Variants in NR3C1 observed in about 807,000 individuals in gnomAD.
NR3C1 encodes glucocorticoid receptor.
NR3C1 carries 14 observed loss-of-function variants against 74.0 expected under a neutral mutation model. The observed-to-expected ratio is 0.19, with a 90% CI of 0.12 to 0.30. The LOEUF (loss-of-function observed/expected upper bound fraction) is 0.30, where lower values mean the gene tolerates loss of function less well. Ranked by LOEUF, NR3C1 falls within the 10% of genes least tolerant of loss-of-function variation. The probability of loss-of-function intolerance (pLI) is 1.00; values close to 1 mark genes in which losing one functional copy is unlikely to be tolerated. For synonymous variants in NR3C1, 308 were observed against 332.5 expected, an observed-to-expected ratio of 0.93 and a Z score of 0.80; for missense variants, 695 against 909.8, an observed-to-expected ratio of 0.76 and a Z score of 3.04.
upstream of NR3C1, chr5:143,403,861 C>T (rs1364737925): frequency 5.1e-6 from 5 of 974,670 alleles, no homozygotes; most frequent in Non-Finnish European, 6.1e-6. Context: ...CCCGCCACCC[C>T]GGCCCCGACG....
At chr5:143,435,087 G>A in exon 1 of NR3C1, 1 of 985,418 alleles carries the variant, frequency 1.0e-6, no homozygotes, top group Non-Finnish European at 1.2e-6. Flanking sequence ...TGTGAGGTCT[G>A]ATGCTGGGAA....
intron 2 of NR3C1, among the ~76,000 whole-genome samples, chr5:143,378,167 CT>C (rs1460468028): frequency 1.3e-5 from 2 of 152,096 alleles, no homozygotes; most frequent in African/African-American, 4.8e-5. Context: ...GGGAGGATTG[CT>C]TGAGCCCAGG....
intron 4 of NR3C1, among the ~76,000 whole-genome samples, chr5:143,303,643 C>T (rs563438204): frequency 1.3e-5 from 2 of 152,098 alleles, no homozygotes; most frequent in African/African-American, 2.4e-5. Context: ...AACAAAACTA[C>T]AGGCCAATAT....
At chr5:143,308,034 G>A (rs1189002929) in intron 4 of NR3C1, among the ~76,000 whole-genome samples, 1 of 152,152 alleles carries the variant, frequency 6.6e-6, no homozygotes, top group Non-Finnish European at 1.5e-5. Context: ...CTGGTCAAAC[G>A]TAGATAGAGT....
At position 143,399,971 on chromosome 5, in the gene NR3C1, C is replaced by A. The variant is rs772044380; in HGVS notation, c.869G>T (p.Gly290Val). The part of the protein sequence containing the change: ...KEDFIELCTP[G>V]VIKQEKLGTV... ...GCCCAGTTTCTCTTGCTTAATTACC[C>A]CAGGGGTGCAGAGTTCGATGAAATC... Residue 290 changes from glycine (G) to valine (V), a missense_variant, in exon 2 of 9, where the codon GGG becomes GTG. Gly to Val is a moderately radical substitution (Grantham distance 109). Coordinates refer to ENST00000394464, the MANE Select transcript of NR3C1 (RefSeq NM_000176.3). 19 of 1,614,016 alleles carry A rather than the reference C, an allele frequency of 1.2e-5. No homozygotes were observed. The highest frequency in any genetic ancestry group is 1.6e-5 in the Non-Finnish European group (19 of 1,180,036).
intron 4 of NR3C1, among the ~76,000 whole-genome samples, chr5:143,309,541 G>A: frequency 6.6e-6 from 1 of 151,988 alleles, no homozygotes; most frequent in Non-Finnish European, 1.5e-5. Flanking sequence ...CACAAACTTC[G>A]GGGATTACAG....
chr5:143,397,923 C>A (rs1839526695), intron 2 of NR3C1, among the ~76,000 whole-genome samples: 1 of 151,790 alleles, frequency 6.6e-6, no homozygotes. Context: ...AGTTTTGTCC[C>A]TTGCCTTTTC....
rs183797663 is a variant in NR3C1, at chr5:143,288,899, G to T, written c.2024-6174C>A. ...GGTGGGTGGATCACCTGAGGTCAGG[G>T]TTTGAGACCAGCCTGGCCAACATGG... On this transcript the variant is annotated intron_variant, in intron 7 of 8. Transcript: ENST00000394464. 4.4e-3 allele frequency among the ~76,000 whole-genome samples: 662 copies of T among 151,550 alleles called. 2 individuals are homozygous for T. Among genetic ancestry groups the T allele is most frequent in the African/African-American group, 0.015 (633 of 41,400 alleles).
At position 143,279,224 on chromosome 5, in the gene NR3C1, GCTT is replaced by G; in HGVS notation, c.*2662_*2664del. On this transcript the variant is annotated 3_prime_UTR_variant, in exon 9 of 9. Transcript: ENST00000394464. The stretch of plus-strand genomic sequence containing the variant: ...CCCCCACGTATCCTAAAAGGGCACA[GCTT>G]CTTTTCCCATTTAATGAAAAGCCTC... 1 of 952,404 alleles carries G rather than the reference GCTT, an allele frequency of 1.0e-6. No individual in the cohort carries two copies. The highest frequency in any genetic ancestry group is 1.5e-6 in the Non-Finnish European group (1 of 658,198). The allele number at this position is 952,404 out of a possible 1,614,324, so 59.0% of individuals were successfully genotyped here. A position where few individuals can be genotyped will look rare whatever the true frequency, so the allele number is the denominator to read the frequency against.
intron 5 of NR3C1, among the ~76,000 whole-genome samples, chr5:143,299,146 T>C (rs1817950385): frequency 6.6e-6 from 1 of 151,554 alleles, no homozygotes; most frequent in African/African-American, 2.4e-5. Context: ...CCCAAGTAGC[T>C]AGGAATACAG....
intron 4 of NR3C1, among the ~76,000 whole-genome samples, chr5:143,308,935 G>A (rs1339391270): frequency 6.6e-6 from 1 of 152,106 alleles, no homozygotes; most frequent in Non-Finnish European, 1.5e-5. Context: ...TACCTTCACA[G>A]AACTTGCAAT....
chr5:143,367,923 G>A (rs761440611), intron 2 of NR3C1, among the ~76,000 whole-genome samples: 11 of 151,982 alleles, frequency 7.2e-5, no homozygotes, highest in African/African-American at 1.2e-4. Flanking sequence ...AGTTTGCAAC[G>A]AACACGGAAT....
chr5:143,382,225 T>A (rs1836389861), intron 2 of NR3C1, among the ~76,000 whole-genome samples: 1 of 152,062 alleles, frequency 6.6e-6, no homozygotes, highest in African/African-American at 2.4e-5. Flanking sequence ...CTCACCCCAG[T>A]CAATTATATA....
At chr5:143,351,333 T>G (rs1038696244) in intron 2 of NR3C1, among the ~76,000 whole-genome samples, 15 of 152,132 alleles carry the variant, frequency 9.9e-5, no homozygotes, top group South Asian at 2.1e-4. Flanking sequence ...AGCCTTCCAT[T>G]ATTTGGTCCC....
At chr5:143,368,591 C>T (rs777885543) in intron 2 of NR3C1, among the ~76,000 whole-genome samples, 1 of 150,262 alleles carries the variant, frequency 6.7e-6, no homozygotes, top group South Asian at 2.1e-4. Flanking sequence ...AATAAAAAGA[C>T]AACCTAATTT....
At chr5:143,434,558 CAA>C in exon 1 of NR3C1, 1 of 985,374 alleles carries the variant, frequency 1.0e-6, no homozygotes, top group Non-Finnish European at 1.2e-6. Context: ...TTTAATGAAG[CAA>C]AGTCTTCTTT....
chr5:143,419,818 A>G (rs1751124683), intron 1 of NR3C1, among the ~76,000 whole-genome samples: 1 of 152,114 alleles, frequency 6.6e-6, no homozygotes, highest in Admixed American at 6.6e-5. Context: ...TTTGAGAGCA[A>G]CTGGTCTGAC....
chr5:143,368,297 T>C (rs1253197670), intron 2 of NR3C1, among the ~76,000 whole-genome samples: 2 of 152,074 alleles, frequency 1.3e-5, no homozygotes, highest in African/African-American at 2.4e-5. Context: ...GATGAAAACA[T>C]AGGTGAAAAT....
chr5:143,310,023 G>T (rs77950028), intron 4 of NR3C1, 74 bp downstream of exon 4: 1 of 1,091,470 alleles, frequency 9.2e-7, no homozygotes, highest in Non-Finnish European at 1.4e-6. Flanking sequence ...CTGCTTACGT[G>T]TATCTTCAAA....
Sources: gnomAD v4.1 joint callset for allele counts (sites outside exome capture counted in the v4.1 genomes callset) on GRCh38, gnomAD v4.1.1 for gene constraint, MANE v1.5 for transcripts, NCBI Gene and HGNC (gene_info 2026-07-23, HGNC 2026-07-21) for gene names.